Variants in CAB39 observed in about 807,000 individuals in gnomAD.
CAB39 encodes calcium-binding protein 39.
CAB39 carries 8 observed loss-of-function variants against 40.0 expected under a neutral mutation model. The observed-to-expected ratio is 0.20, with a 90% CI of 0.12 to 0.36. The LOEUF (loss-of-function observed/expected upper bound fraction) is 0.36, where lower values mean the gene tolerates loss of function less well. CAB39 is among the 10% of genes least tolerant of loss of function. CAB39 has a pLI of 1.00. For synonymous variants in CAB39, 156 were observed against 141.6 expected, an observed-to-expected ratio of 1.10 and a Z score of -0.72; for missense variants, 270 against 401.1, an observed-to-expected ratio of 0.67 and a Z score of 2.79.
At chr2:230,728,686 T>C (rs1413760474) in intron 1 of CAB39, among the ~76,000 whole-genome samples, 1 of 152,238 alleles carries the variant, frequency 6.6e-6, no homozygotes, top group African/African-American at 2.4e-5. Context: ...CATAGTTTAC[T>C]GTAGCCCCGA....
At chr2:230,808,051 TTTTTC>T (rs139203634) in intron 5 of CAB39, among the ~76,000 whole-genome samples, 51,079 of 147,740 alleles carry the variant, frequency 0.35, 12,190 homozygotes, top group African/African-American at 0.69. Context: ...CCAGGCACTT[TTTTTC>T]TTTTCTTTTC....
At chr2:230,798,460 T>C (rs912855522) in intron 4 of CAB39, among the ~76,000 whole-genome samples, 3 of 152,228 alleles carry the variant, frequency 2.0e-5, no homozygotes, top group Admixed American at 6.5e-5. Flanking sequence ...GCTTAAATAA[T>C]GAACCTTTAG....
At chr2:230,748,906 T>G (rs1335698860) in intron 1 of CAB39, among the ~76,000 whole-genome samples, 3 of 135,812 alleles carry the variant, frequency 2.2e-5, no homozygotes, top group East Asian at 2.2e-4. Flanking sequence ...ACTTATTAGC[T>G]ATGAATCTCC....
chr2:230,814,955 T>C (rs1696374613), intron 7 of CAB39, among the ~76,000 whole-genome samples: 1 of 152,214 alleles, frequency 6.6e-6, no homozygotes, highest in African/African-American at 2.4e-5. Flanking sequence ...ATTTAAAATT[T>C]GACTCTGCCC....
At chr2:230,818,027 A>G in intron 8 of CAB39, 130 bp downstream of exon 8, 1 of 811,984 alleles carries the variant, frequency 1.2e-6, no homozygotes. Context: ...CACTTTTCAT[A>G]TTTGTGTGCT....
chr2:230,728,472 G>C (rs1291378452), intron 1 of CAB39, among the ~76,000 whole-genome samples: 1 of 151,828 alleles, frequency 6.6e-6, no homozygotes, highest in Non-Finnish European at 1.5e-5. Context: ...ACCATGCCCA[G>C]CTAATTTTTG....
chr2:230,755,062 T>C (rs1361601596), intron 1 of CAB39, among the ~76,000 whole-genome samples: 8 of 151,600 alleles, frequency 5.3e-5, no homozygotes, highest in African/African-American at 1.9e-4. Context: ...TATACATACA[T>C]ACACACACAC....
chr2:230,720,689 G>A (rs1694434057), intron 1 of CAB39, among the ~76,000 whole-genome samples: 1 of 152,140 alleles, frequency 6.6e-6, no homozygotes, highest in South Asian at 2.1e-4. Flanking sequence ...CAAAGTGCTG[G>A]GGTTACAGGC....
chr2:230,731,755 C>G (rs1378771689), intron 1 of CAB39, among the ~76,000 whole-genome samples: 1 of 152,172 alleles, frequency 6.6e-6, no homozygotes, highest in Non-Finnish European at 1.5e-5. Context: ...CTAGGCCTCC[C>G]AAAGTGCTGG....
intron 1 of CAB39, among the ~76,000 whole-genome samples, chr2:230,719,512 A>C (rs1694408982): frequency 6.6e-6 from 1 of 152,256 alleles, no homozygotes; most frequent in African/African-American, 2.4e-5. Context: ...GGTTTATTAT[A>C]AATGCTTTCG....
chr2:230,805,138 G>T (rs151243900), intron 5 of CAB39, among the ~76,000 whole-genome samples: 3 of 151,996 alleles, frequency 2.0e-5, no homozygotes, highest in South Asian at 4.1e-4. Flanking sequence ...TGAGCAAACT[G>T]TTGCAAGGAC....
chr2:230,768,170 C>G (rs1695419638), intron 2 of CAB39, among the ~76,000 whole-genome samples: 1 of 152,164 alleles, frequency 6.6e-6, no homozygotes, highest in Non-Finnish European at 1.5e-5. Flanking sequence ...TTAATCTTAT[C>G]TGAATTAGTT....
At chr2:230,764,820 C>A (rs904228046) in intron 2 of CAB39, among the ~76,000 whole-genome samples, 1 of 152,204 alleles carries the variant, frequency 6.6e-6, no homozygotes, top group African/African-American at 2.4e-5. Context: ...CTGAAATAAT[C>A]ACACAAGGGC....
rs1695881327 is a variant in CAB39, at chr2:230,790,845, C to T, written c.115-27C>T. ...GTTAAAATGAATTGTTTTTTCTCCT[C>T]TTCCCAACTCCTCTCTCTAAAATTA... On this transcript the variant is annotated intron_variant, in intron 2 of 8. Transcript: ENST00000258418. 1.9e-6 allele frequency: 3 copies of T among 1,575,890 alleles called. No homozygotes were observed. In the East Asian group the frequency reaches 6.7e-5, roughly 35 times the overall value.
intron 1 of CAB39, among the ~76,000 whole-genome samples, chr2:230,727,398 G>GTGTGTGTGTGTGTGTGTGTT (rs760656084): frequency 2.6e-4 from 33 of 124,644 alleles, no homozygotes; most frequent in African/African-American, 6.7e-4. Context: ...GTGTGTGTGT[G>GTGTGTGTGTGTGTGTGTGTT]TATTTTTTTT....
intron 2 of CAB39, among the ~76,000 whole-genome samples, chr2:230,784,299 G>C (rs1000847530): frequency 1.3e-5 from 2 of 152,158 alleles, no homozygotes; most frequent in African/African-American, 2.4e-5. Context: ...TTCTATTTTA[G>C]ATGTATTCGA....
At chr2:230,735,776 A>G (rs1316649202) in intron 1 of CAB39, among the ~76,000 whole-genome samples, 7 of 152,190 alleles carry the variant, frequency 4.6e-5, no homozygotes, top group South Asian at 2.1e-4. Flanking sequence ...CAGCCTCCCA[A>G]AGTGCTGGGA....
chr2:230,759,540 T>G (rs1695253244), intron 1 of CAB39, among the ~76,000 whole-genome samples: 1 of 152,178 alleles, frequency 6.6e-6, no homozygotes, highest in Admixed American at 6.6e-5. Context: ...CGCTCAACCT[T>G]GCTAAACTTC....
chr2:230,750,163 T>G (rs949584702), intron 1 of CAB39, among the ~76,000 whole-genome samples: 2 of 152,244 alleles, frequency 1.3e-5, no homozygotes, highest in African/African-American at 4.8e-5. Flanking sequence ...ATGTTGTTTA[T>G]TTCCATCAAA....
Sources: allele counts gnomAD v4.1 joint callset (sites outside exome capture counted in the v4.1 genomes callset), GRCh38; gene constraint gnomAD v4.1.1; transcripts MANE v1.5; gene names NCBI Gene and HGNC (gene_info 2026-07-23, HGNC 2026-07-21).